Variants in SCAI observed in about 807,000 individuals in gnomAD.
SCAI encodes the protein suppressor of cancer cell invasion.
SCAI carries 24 observed loss-of-function variants against 92.2 expected under a neutral mutation model. The ratio of observed to expected loss-of-function variants is 0.26; its 90% confidence interval spans 0.19 to 0.37. The LOEUF is 0.37. SCAI is among the 10% of genes least tolerant of loss of function. The pLI is 1.00. For synonymous variants in SCAI, 261 were observed against 258.6 expected (o/e 1.01, Z -0.09); for missense variants, 450 against 736.2 (o/e 0.61, Z 4.50).
intron 3 of SCAI, among the ~76,000 whole-genome samples, chr9:125,048,284 A>G (rs1833488109): frequency 6.6e-6 from 1 of 152,074 alleles, no homozygotes; most frequent in Non-Finnish European, 1.5e-5. Context: ...AGCCTAGTCA[A>G]TCAATGATGT....
At chr9:125,005,979 T>C (rs1832498072) in intron 9 of SCAI, among the ~76,000 whole-genome samples, 1 of 152,196 alleles carries the variant, frequency 6.6e-6, no homozygotes, top group South Asian at 2.1e-4. Flanking sequence ...ATTATTTGCA[T>C]GGCTGAAAAA....
At chr9:125,005,671 T>A (rs1331222902) in intron 9 of SCAI, among the ~76,000 whole-genome samples, 1 of 152,116 alleles carries the variant, frequency 6.6e-6, no homozygotes, top group African/African-American at 2.4e-5. Flanking sequence ...TTTAAGGAGA[T>A]AAGTGGGCAC....
At chr9:125,073,365 A>G (rs1016381172) in intron 2 of SCAI, among the ~76,000 whole-genome samples, 1 of 151,702 alleles carries the variant, frequency 6.6e-6, no homozygotes, top group African/African-American at 2.4e-5. Flanking sequence ...CGGCCTCCCA[A>G]AGTGCTGGGA....
intron 5 of SCAI, among the ~76,000 whole-genome samples, chr9:125,027,347 G>T (rs1404002368): frequency 1.3e-5 from 2 of 152,064 alleles, no homozygotes; most frequent in Non-Finnish European, 2.9e-5. Flanking sequence ...TGTTTTACAA[G>T]GGACTTTTTA....
Position 124,952,689 on chromosome 9 carries a change from G to A in SCAI, c.*118C>T. 1 of 684,222 alleles carries A rather than the reference G, an allele frequency of 1.5e-6. No individual in the cohort carries two copies. The highest frequency in any genetic ancestry group is 2.3e-6 in the Non-Finnish European group (1 of 441,066). 42.4% of individuals were successfully genotyped at this position (684,222 alleles called of 1,614,324 possible). On this transcript the variant is annotated 3_prime_UTR_variant, in exon 18 of 18. Coordinates refer to ENST00000336505, the MANE Select transcript of SCAI (RefSeq NM_001144877.3). ...TTTTTTGTTTGTTTTTAAAATGGTG[G>A]CCCTAAATTAAAAAATAAAAACTAA... is the stretch of plus-strand genomic sequence containing the variant.
chr9:125,042,736 T>C (rs764041277), intron 3 of SCAI, among the ~76,000 whole-genome samples: 1 of 150,850 alleles, frequency 6.6e-6, no homozygotes, highest in Non-Finnish European at 1.5e-5. Flanking sequence ...AGAGCTATGA[T>C]TCAAATTCAA....
intron 2 of SCAI, among the ~76,000 whole-genome samples, chr9:125,087,830 G>T (rs569038298): frequency 1.3e-5 from 2 of 152,090 alleles, no homozygotes; most frequent in Non-Finnish European, 2.9e-5. Context: ...TTTTAAATAC[G>T]CATACTGAAA....
intron 3 of SCAI, among the ~76,000 whole-genome samples, chr9:125,047,630 C>T (rs1018488765): frequency 1.1e-4 from 16 of 152,096 alleles, no homozygotes; most frequent in African/African-American, 3.1e-4. Context: ...TATGGATTCA[C>T]GAGAAAGCAC....
At chr9:125,012,176 T>C (rs1183345778) in intron 9 of SCAI, among the ~76,000 whole-genome samples, 5 of 152,032 alleles carry the variant, frequency 3.3e-5, no homozygotes, top group African/African-American at 4.8e-5. Flanking sequence ...AATTCACACA[T>C]AACAATATTA....
intron 2 of SCAI, among the ~76,000 whole-genome samples, chr9:125,122,661 T>C (rs928502845): frequency 2.0e-5 from 3 of 150,858 alleles, no homozygotes; most frequent in African/African-American, 2.4e-5. Context: ...TCCCAACACT[T>C]TGGGAGGCCG....
rs190199284 is a variant in SCAI, at chr9:125,129,514, A to G, written c.98+13119T>C. ...AGCCTCACTCTGTCACCCAGGCTGG[A>G]GTGCAGTGGCATGATCTTGGCTCAC... On this transcript the variant is annotated intron_variant, in intron 2 of 17. Coordinates refer to ENST00000336505, the MANE Select transcript of SCAI (RefSeq NM_001144877.3). 9.1e-3 allele frequency among the ~76,000 whole-genome samples: 1,005 copies of G among 109,950 alleles called. 19 individuals carry two copies. The highest frequency in any genetic ancestry group is 0.034 in the African/African-American group (937 of 27,912). The allele number at this position is 109,950 out of a possible 152,430, so 72.1% of individuals were successfully genotyped here.
intron 2 of SCAI, among the ~76,000 whole-genome samples, chr9:125,088,807 C>CT (rs1834372457): frequency 6.6e-6 from 1 of 151,998 alleles, no homozygotes; most frequent in South Asian, 2.1e-4. Flanking sequence ...AAATAAAGTG[C>CT]TTTTGAAAAC....
chr9:125,013,357 G>A (rs1382019254), intron 9 of SCAI, among the ~76,000 whole-genome samples: 3 of 152,040 alleles, frequency 2.0e-5, no homozygotes, highest in East Asian at 1.9e-4. Context: ...TATCACCACC[G>A]ATCCCACAGA....
chr9:125,086,249 G>C (rs1032374884), intron 2 of SCAI, among the ~76,000 whole-genome samples: 4 of 152,146 alleles, frequency 2.6e-5, no homozygotes, highest in Non-Finnish European at 5.9e-5. Context: ...TAAGTGCCTT[G>C]AACACTGTTT....
chr9:125,021,488 T>G (rs1055611311), intron 6 of SCAI, among the ~76,000 whole-genome samples: 1 of 152,212 alleles, frequency 6.6e-6, no homozygotes, highest in Admixed American at 6.5e-5. Context: ...TACTTCTTTG[T>G]TATTGTTCTT....
intron 2 of SCAI, among the ~76,000 whole-genome samples, chr9:125,056,231 C>T (rs190407288): frequency 2.0e-4 from 31 of 152,192 alleles, no homozygotes; most frequent in African/African-American, 6.0e-4. Context: ...TTTGGGAGGC[C>T]GAGGTGGATG....
intron 3 of SCAI, among the ~76,000 whole-genome samples, chr9:125,040,835 A>T (rs1196153124): frequency 1.3e-5 from 2 of 151,582 alleles, no homozygotes; most frequent in Non-Finnish European, 2.9e-5. Flanking sequence ...GGGTTTCACC[A>T]TATTGGCCAG....
chr9:125,030,929 G>A (rs1311021201), intron 3 of SCAI, among the ~76,000 whole-genome samples: 1 of 152,164 alleles, frequency 6.6e-6, no homozygotes, highest in African/African-American at 2.4e-5. Flanking sequence ...AATTACTAAT[G>A]CATAACTGTA....
chr9:125,054,542 G>GA (rs889976176), intron 3 of SCAI, among the ~76,000 whole-genome samples: 45 of 137,458 alleles, frequency 3.3e-4, no homozygotes, highest in East Asian at 1.9e-3. Flanking sequence ...AAGGCAAAGA[G>GA]AAAAAAAAAA....
Sources: allele counts gnomAD v4.1 joint callset (sites outside exome capture counted in the v4.1 genomes callset), GRCh38; gene constraint gnomAD v4.1.1; transcripts MANE v1.5; gene names NCBI Gene and HGNC (gene_info 2026-07-23, HGNC 2026-07-21).